LRRC4C: variants seen among roughly 807,000 people sequenced by gnomAD.
LRRC4C encodes the protein leucine rich repeat containing 4C, also known as leucine-rich repeat-containing protein 4C.
A neutral mutation model predicts 33.6 loss-of-function variants in LRRC4C; 5 were observed. The observed-to-expected ratio is 0.15, with a 90% CI of 0.08 to 0.31. The LOEUF (loss-of-function observed/expected upper bound fraction) is 0.31. Among genes scored for constraint, LRRC4C ranks in the 10% least tolerant of loss-of-function variants. LRRC4C has a pLI of 1.00. For missense variants in LRRC4C, 560 were observed against 796.7 expected (o/e 0.70, Z 3.58); for synonymous variants, 329 against 302.0 (o/e 1.09, Z -0.93).
At chr11:40,625,125 G>T (rs935576362) in intron 3 of LRRC4C, among the ~76,000 whole-genome samples, 2 of 151,996 alleles carry the variant, frequency 1.3e-5, no homozygotes, top group African/African-American at 4.8e-5. Context: ...GGGTACTCAG[G>T]GTCACATGGC....
chr11:40,609,874 C>T lies in LRRC4C; in HGVS notation c.-270+38268G>A, dbSNP rs115973497. On this transcript the variant is annotated intron_variant, in intron 3 of 6. Coordinates refer to ENST00000528697, the MANE Select transcript of LRRC4C (RefSeq NM_001258419.2). The stretch of plus-strand genomic sequence containing the variant: ...AAACAGAAAAATCTTAACGGAAGGA[C>T]GAGTTAGAAGACTGATTTAGTAATG... 3.0e-3 allele frequency among the ~76,000 whole-genome samples: 462 copies of T among 151,912 alleles called. 1 individual carries two copies. The highest frequency in any genetic ancestry group is 0.011 in the African/African-American group (444 of 41,490).
intron 2 of LRRC4C, among the ~76,000 whole-genome samples, chr11:40,731,673 T>G (rs112519024): frequency 7.0e-6 from 1 of 143,000 alleles, no homozygotes; most frequent in Admixed American, 7.0e-5. Flanking sequence ...TTGGTTCAAA[T>G]TGAATACAAA....
chr11:40,974,164 C>A (rs1433665404), intron 1 of LRRC4C, among the ~76,000 whole-genome samples: 2 of 152,124 alleles, frequency 1.3e-5, no homozygotes, highest in Non-Finnish European at 2.9e-5. Context: ...AGAGTCTTTT[C>A]TTTGGATTAA....
intron 1 of LRRC4C, among the ~76,000 whole-genome samples, chr11:41,374,638 T>C (rs1270409816): frequency 6.6e-6 from 1 of 152,142 alleles, no homozygotes; most frequent in Admixed American, 6.5e-5. Flanking sequence ...TGAATCTCAA[T>C]TTAAACAGGA....
At chr11:40,962,201 A>G (rs192390481) in intron 1 of LRRC4C, among the ~76,000 whole-genome samples, 21 of 151,710 alleles carry the variant, frequency 1.4e-4, no homozygotes, top group Admixed American at 4.0e-4. Flanking sequence ...CAGAGAGAAA[A>G]AAAGGGGCTA....
At chr11:40,915,531 A>G (rs1386200671) in intron 2 of LRRC4C, among the ~76,000 whole-genome samples, 1 of 152,248 alleles carries the variant, frequency 6.6e-6, no homozygotes, top group African/African-American at 2.4e-5. Context: ...CTTACACCTT[A>G]TACAAGAATT....
chr11:40,958,323 C>T (rs890772182), intron 1 of LRRC4C, among the ~76,000 whole-genome samples: 4 of 151,628 alleles, frequency 2.6e-5, no homozygotes, highest in Non-Finnish European at 5.9e-5. Flanking sequence ...GACAATATGA[C>T]CTAAGTTATA....
At chr11:41,214,409 G>A (rs144983662) in intron 1 of LRRC4C, among the ~76,000 whole-genome samples, 53 of 151,692 alleles carry the variant, frequency 3.5e-4, no homozygotes, top group African/African-American at 1.2e-3. Context: ...GAGAAAAAAC[G>A]TATAACAATG....
At chr11:40,263,778 G>A (rs1269625907) in intron 4 of LRRC4C, among the ~76,000 whole-genome samples, 1 of 152,136 alleles carries the variant, frequency 6.6e-6, no homozygotes, top group East Asian at 1.9e-4. Flanking sequence ...CATAACTGAT[G>A]GATACTTCTT....
intron 1 of LRRC4C, among the ~76,000 whole-genome samples, chr11:41,121,389 A>G (rs1487977650): frequency 6.6e-6 from 1 of 152,122 alleles, no homozygotes; most frequent in Non-Finnish European, 1.5e-5. Flanking sequence ...TCCAATTCTG[A>G]GTTCTGAAAA....
At chr11:41,386,673 A>T (rs1241688829) in intron 1 of LRRC4C, among the ~76,000 whole-genome samples, 1 of 151,792 alleles carries the variant, frequency 6.6e-6, no homozygotes, top group Non-Finnish European at 1.5e-5. Flanking sequence ...GTAGCTTATC[A>T]TTATTTTTAT....
chr11:41,430,091 A>G (rs1468172104), intron 1 of LRRC4C, among the ~76,000 whole-genome samples: 1 of 152,154 alleles, frequency 6.6e-6, no homozygotes, highest in East Asian at 1.9e-4. Flanking sequence ...TTCAAGTTCC[A>G]GTTCTACGGG....
At chr11:41,307,126 C>T (rs369094893) in intron 1 of LRRC4C, among the ~76,000 whole-genome samples, 23 of 152,098 alleles carry the variant, frequency 1.5e-4, no homozygotes, top group South Asian at 4.1e-4. Flanking sequence ...TGAGGGGATA[C>T]GGCTTGGGGG....
At chr11:41,210,703 A>T (rs926985534) in intron 1 of LRRC4C, among the ~76,000 whole-genome samples, 3 of 152,194 alleles carry the variant, frequency 2.0e-5, no homozygotes, top group African/African-American at 7.2e-5. Flanking sequence ...AACTAGCCTA[A>T]GAACAGAGCC....
intron 3 of LRRC4C, among the ~76,000 whole-genome samples, chr11:40,500,025 T>C (rs1335513988): frequency 6.6e-6 from 1 of 151,996 alleles, no homozygotes; most frequent in African/African-American, 2.4e-5. Context: ...TACTATAAAA[T>C]TCTGGGAATT....
intron 2 of LRRC4C, among the ~76,000 whole-genome samples, chr11:40,753,247 A>G (rs1363038499): frequency 6.6e-6 from 1 of 152,040 alleles, no homozygotes; most frequent in African/African-American, 2.4e-5. Context: ...GGGTGACTAC[A>G]GTTAGCAATA....
chr11:41,307,057 T>C (rs1412795112), intron 1 of LRRC4C, among the ~76,000 whole-genome samples: 2 of 152,188 alleles, frequency 1.3e-5, no homozygotes, highest in Non-Finnish European at 2.9e-5. Flanking sequence ...CACAATATGA[T>C]ATTTAAGCAG....
intron 1 of LRRC4C, among the ~76,000 whole-genome samples, chr11:41,124,481 A>C (rs561727494): frequency 6.6e-6 from 1 of 152,224 alleles, no homozygotes; most frequent in Non-Finnish European, 1.5e-5. Context: ...AGCACTTGGC[A>C]ATTCACTATA....
intron 3 of LRRC4C, among the ~76,000 whole-genome samples, chr11:40,576,525 C>T (rs1183293227): frequency 1.3e-5 from 2 of 152,206 alleles, no homozygotes; most frequent in Non-Finnish European, 2.9e-5. Context: ...TGGCATCATG[C>T]ATCTCACTTA....
Sources: gnomAD v4.1 joint callset for allele counts (sites outside exome capture counted in the v4.1 genomes callset) on GRCh38, gnomAD v4.1.1 for gene constraint, MANE v1.5 for transcripts, NCBI Gene and HGNC (gene_info 2026-07-23, HGNC 2026-07-21) for gene names.